Variants in SHOC2 observed in about 807,000 individuals in gnomAD.
SHOC2 encodes leucine-rich repeat protein SHOC-2.
In SHOC2, 4 loss-of-function variants were observed where a neutral mutation model predicts 50.2. The ratio of observed to expected loss-of-function variants is 0.08; its 90% CI spans 0.04 to 0.18. The LOEUF is 0.18. Among genes scored for constraint, SHOC2 ranks in the 10% least tolerant of loss-of-function variants. SHOC2 has a pLI of 1.00. For synonymous variants in SHOC2, 218 were observed against 244.5 expected (o/e 0.89, Z 1.01); for missense variants, 388 against 669.6 (o/e 0.58, Z 4.64).
At chr10:110,962,811 G>T (rs1019518089) in intron 1 of SHOC2, among the ~76,000 whole-genome samples, 1 of 152,128 alleles carries the variant, frequency 6.6e-6, no homozygotes, top group South Asian at 2.1e-4. Context: ...GTTAGCCTAA[G>T]TCCTGTATGC....
At chr10:110,946,293 A>C (rs1348970855) in intron 1 of SHOC2, among the ~76,000 whole-genome samples, 1 of 151,208 alleles carries the variant, frequency 6.6e-6, no homozygotes, top group Non-Finnish European at 1.5e-5. Context: ...GAAGAAATTT[A>C]TTCTAAAAAA....
In SHOC2 at chr10:110,975,218, C is replaced by T. The variant is rs1053083549; in HGVS notation, c.703+10157C>T. ...TCGCCCAGGCTGGAGTGCAGTGGCGCAGTCTTGGCTCACTGCAAGCTCCGC... is the reference window on the plus strand; with the variant it reads ...TCGCCCAGGCTGGAGTGCAGTGGCGTAGTCTTGGCTCACTGCAAGCTCCGC... On this transcript the variant is annotated intron_variant, in intron 2 of 8. Transcript: ENST00000369452. Among the ~76,000 whole-genome samples the T allele has an allele frequency of 3.3e-5, 5 of 151,274 alleles. No individual in the cohort carries two copies. The South Asian group carries it at 8.3e-4, about 25-fold the overall frequency.
intron 5 of SHOC2, among the ~76,000 whole-genome samples, chr10:111,005,626 G>A (rs1848452723): frequency 6.6e-6 from 1 of 152,150 alleles, no homozygotes; most frequent in Admixed American, 6.5e-5. Flanking sequence ...TTAGAGATCA[G>A]AATTATTTAT....
rs372210369 is a variant in SHOC2, at chr10:110,964,326, G to A, written c.-33G>A. 1.9e-6 allele frequency: 3 copies of A among 1,606,272 alleles called. No homozygotes were observed. Among genetic ancestry groups the A allele is most frequent in the Non-Finnish European group, 2.6e-6 (3 of 1,176,128 alleles). ...ATTCAATTACTGGAAAATAAAAGGA[G>A]TTCATGTAGTTTTTGTCCAGGCTTG... On this transcript the variant is annotated 5_prime_UTR_variant, in exon 2 of 9. Transcript: ENST00000369452. The surrounding 1 kb of genome is among the most constrained non-coding windows in gnomAD (Gnocchi z 4.9).
intron 3 of SHOC2, among the ~76,000 whole-genome samples, chr10:110,997,058 T>C (rs1323020766): frequency 6.6e-6 from 1 of 152,238 alleles, no homozygotes; most frequent in African/African-American, 2.4e-5. Context: ...TGGTGTATAC[T>C]GTTTATTGGC....
At chr10:111,003,978 A>AGTAGG (rs35297697) in intron 4 of SHOC2, among the ~76,000 whole-genome samples, 1 of 152,228 alleles carries the variant, frequency 6.6e-6, no homozygotes, top group African/African-American at 2.4e-5. Flanking sequence ...GAGAGGCTAA[A>AGTAGG]GTAGGGCAAG....
chr10:110,948,359 A>C (rs1298304549), intron 1 of SHOC2, among the ~76,000 whole-genome samples: 4 of 152,352 alleles, frequency 2.6e-5, no homozygotes, highest in Middle Eastern at 3.4e-3. Context: ...TAAAGAAATA[A>C]CAGACTTGAA....
chr10:110,982,303 C>T (rs889329310), intron 2 of SHOC2, among the ~76,000 whole-genome samples: 4 of 150,892 alleles, frequency 2.7e-5, no homozygotes, highest in Non-Finnish European at 5.9e-5. Flanking sequence ...GTGAATAATG[C>T]CGCAATAAAC....
chr10:110,964,257 A>C lies in SHOC2; in HGVS notation c.-102A>C. ...TCCATGCTGATTACTTCTTCAAGCC[A>C]GTACTTTTTTGATTGTGTAGGATCT... On this transcript the variant is annotated 5_prime_UTR_variant, in exon 2 of 9. Coordinates refer to ENST00000369452, the MANE Select transcript of SHOC2 (RefSeq NM_007373.4). This position sits in a 1 kb window ranked among gnomAD's most constrained non-coding sequence, Gnocchi z 4.9. 6.6e-7 allele frequency: 1 copy of C among 1,525,204 alleles called. No homozygotes were observed. The highest frequency in any genetic ancestry group is 8.8e-7 in the Non-Finnish European group (1 of 1,138,974). 94.5% of individuals were successfully genotyped at this position (1,525,204 alleles called of 1,614,324 possible).
At position 111,011,593 on chromosome 10, in the gene SHOC2, AT is replaced by A. The variant is rs371544139; in HGVS notation, c.1541-7del. The A allele has an allele frequency of 7.3e-3, 11,163 of 1,533,536 alleles. 63 individuals are homozygous for A. Among genetic ancestry groups the A allele is most frequent in the Non-Finnish European group, 7.9e-3 (8,778 of 1,112,936 alleles). The allele number at this position is 1,533,536 out of a possible 1,614,324, so 95.0% of individuals were successfully genotyped here. On this transcript the variant is annotated splice_polypyrimidine_tract_variant and intron_variant, in intron 8 of 8. Transcript: ENST00000369452. ...GCAACTAATTTTTAAAAAAAAATTG[AT>A]TTTTTTTTTAAACAGGTACACTGGA...
chr10:110,961,079 TAA>T (rs540171923), intron 1 of SHOC2, among the ~76,000 whole-genome samples: 72 of 152,246 alleles, frequency 4.7e-4, no homozygotes, highest in African/African-American at 1.7e-3. Context: ...TGGAGGTGAA[TAA>T]AAGAGTCCTC....
chr10:110,994,008 C>T (rs1848227138), intron 3 of SHOC2, among the ~76,000 whole-genome samples: 1 of 152,112 alleles, frequency 6.6e-6, no homozygotes, highest in Non-Finnish European at 1.5e-5. Flanking sequence ...CTTCAAAGAC[C>T]CCTTGGTGAA....
chr10:110,952,362 A>G (rs1182874102), intron 1 of SHOC2, among the ~76,000 whole-genome samples: 1 of 152,164 alleles, frequency 6.6e-6, no homozygotes, highest in Non-Finnish European at 1.5e-5. Flanking sequence ...TTGCATTAAC[A>G]TATTATCACA....
At position 111,000,661 on chromosome 10, in the gene SHOC2, A is replaced by G. The variant is rs1848355194; in HGVS notation, c.972+116A>G. The G allele has an allele frequency of 3.3e-6, 3 of 922,576 alleles. No homozygotes were observed. In the Admixed American group the frequency reaches 6.0e-5, roughly 19 times the overall value. 57.1% of individuals were successfully genotyped at this position (922,576 alleles called of 1,614,324 possible). ...TTTGGTGATTGAGATTGTTTAAATAATGAGTATGCTGTGAATGTACCACCA... is the reference window on the plus strand; with the variant it reads ...TTTGGTGATTGAGATTGTTTAAATAGTGAGTATGCTGTGAATGTACCACCA... On this transcript the variant is annotated intron_variant, in intron 4 of 8. Transcript: ENST00000369452.
chr10:111,000,813 T>C lies in SHOC2; in HGVS notation c.972+268T>C, dbSNP rs11597460. Among the ~76,000 whole-genome samples the C allele has an allele frequency of 0.058, 8,843 of 152,226 alleles. 336 individuals are homozygous for C. The highest frequency in any genetic ancestry group is 0.11 in the African/African-American group (4,388 of 41,518). The stretch of plus-strand genomic sequence containing the variant: ...AAAGTAAGTGTGCTGTATTCTACTT[T>C]AGCACCATGTAAATCTTTCTCATTT... On this transcript the variant is annotated intron_variant, in intron 4 of 8. Transcript: ENST00000369452.
intron 3 of SHOC2, among the ~76,000 whole-genome samples, chr10:110,998,536 T>A (rs1163923718): frequency 1.3e-5 from 2 of 152,216 alleles, no homozygotes; most frequent in Non-Finnish European, 2.9e-5. Context: ...TTATTGTTGC[T>A]TTTGTACTCC....
chr10:111,001,623 A>C (rs866047315), intron 4 of SHOC2, among the ~76,000 whole-genome samples: 2 of 152,188 alleles, frequency 1.3e-5, no homozygotes, highest in South Asian at 2.1e-4. Context: ...TTATGGATTG[A>C]TTGAGCTTTG....
intron 1 of SHOC2, among the ~76,000 whole-genome samples, chr10:110,930,351 T>G (rs931268579): frequency 6.6e-6 from 1 of 152,130 alleles, no homozygotes; most frequent in East Asian, 1.9e-4. Flanking sequence ...TTATTTTTGT[T>G]TTTTTTCTGA....
chr10:110,951,811 A>C (rs1179759104), intron 1 of SHOC2: 1 of 152,144 alleles, frequency 6.6e-6, no homozygotes, highest in Non-Finnish European at 1.5e-5. Flanking sequence ...GATTATAGCC[A>C]TGTCTGGCCA....
Sources: allele counts gnomAD v4.1 joint callset (sites outside exome capture counted in the v4.1 genomes callset), GRCh38; gene constraint gnomAD v4.1.1; non-coding constraint Gnocchi (gnomAD v3.1); transcripts MANE v1.5; gene names NCBI Gene and HGNC (gene_info 2026-07-23, HGNC 2026-07-21).